ITK: variants seen among roughly 807,000 people sequenced by gnomAD.
ITK encodes the protein tyrosine-protein kinase ITK/TSK.
In ITK, 45 loss-of-function variants were observed where a neutral mutation model predicts 87.6. The ratio of observed to expected loss-of-function variants is 0.51; its 90% CI spans 0.40 to 0.66. ITK has a LOEUF of 0.66. Among genes scored for constraint, ITK ranks in the 30% least tolerant of loss-of-function variants. The probability of loss-of-function intolerance (pLI) is 0.00; values close to 1 mark genes in which losing one functional copy is unlikely to be tolerated. For missense variants in ITK, 605 were observed against 766.3 expected, an observed-to-expected ratio of 0.79 and a Z score of 2.48; for synonymous variants, 303 against 273.6, an observed-to-expected ratio of 1.11 and a Z score of -1.06.
chr5:157,238,640 AG>A (rs55878625), intron 9 of ITK, among the ~76,000 whole-genome samples: 2,490 of 152,302 alleles, frequency 0.016, 29 homozygotes, highest in Non-Finnish European at 0.027. Flanking sequence ...GAAGCCCTGA[AG>A]GCAGGTATTA....
In ITK at chr5:157,234,790, G is replaced by A. The variant is rs1418862354; in HGVS notation, c.768+2396G>A. Among the ~76,000 whole-genome samples the A allele has an allele frequency of 6.6e-5, 10 of 152,116 alleles. No homozygotes were observed. In the East Asian group the frequency reaches 1.9e-3, roughly 29 times the overall value. On this transcript the variant is annotated intron_variant, in intron 8 of 16. Coordinates refer to ENST00000422843, the MANE Select transcript of ITK (RefSeq NM_005546.4). ...CACACACCAGGGTCTGTCAGTGGGT[G>A]GGGGGCTAGGGGAGAGATAGGATTA...
At chr5:157,232,446 C>A (rs1754676670) in intron 8 of ITK, 52 bp downstream of exon 8, 1 of 1,303,526 alleles carries the variant, frequency 7.7e-7, no homozygotes, top group Non-Finnish European at 1.1e-6. Flanking sequence ...ATTAAGTGCA[C>A]TGTCTCATGT....
intron 9 of ITK, among the ~76,000 whole-genome samples, chr5:157,239,375 C>G (rs776706593): frequency 6.6e-5 from 10 of 152,182 alleles, no homozygotes; most frequent in African/African-American, 2.4e-4. Context: ...TGTAACCACA[C>G]GTTAGCAGTC....
At chr5:157,221,900 C>T (rs541565399) in intron 5 of ITK, among the ~76,000 whole-genome samples, 2 of 151,990 alleles carry the variant, frequency 1.3e-5, no homozygotes, top group Non-Finnish European at 2.9e-5. Context: ...CCTGTACTCC[C>T]AGCACTTTGG....
At chr5:157,233,715 C>A (rs1054197964) in intron 8 of ITK, among the ~76,000 whole-genome samples, 3 of 151,942 alleles carry the variant, frequency 2.0e-5, no homozygotes, top group Non-Finnish European at 4.4e-5. Flanking sequence ...GAGTGGAGTG[C>A]AAAATTAGCT....
chr5:157,217,013 C>T (rs1267035088), intron 4 of ITK, among the ~76,000 whole-genome samples: 1 of 152,144 alleles, frequency 6.6e-6, no homozygotes, highest in Non-Finnish European at 1.5e-5. Flanking sequence ...CTCTTCCCAT[C>T]TCTCGTTATT....
Position 157,252,774 on chromosome 5 carries a change from A to AC in ITK, c.*99dup, listed in dbSNP as rs1419050627. The AC allele has an allele frequency of 6.1e-6, 6 of 988,924 alleles. No individual in the cohort carries two copies. Among genetic ancestry groups the AC allele is most frequent in the Non-Finnish European group, 8.1e-6 (5 of 617,308 alleles). 61.3% of individuals were successfully genotyped at this position (988,924 alleles called of 1,614,324 possible). ...CATTAGAAGCTGCCACCAGCCCAGGACCCTCCAGAGGCAGCCTGGCCTGTG... is the reference window on the plus strand; with the variant it reads ...CATTAGAAGCTGCCACCAGCCCAGGACCCCTCCAGAGGCAGCCTGGCCTGTG... On this transcript the variant is annotated 3_prime_UTR_variant, in exon 17 of 17. Transcript: ENST00000422843.
At position 157,253,118 on chromosome 5, in the gene ITK, T is replaced by C. The variant is rs958176463; in HGVS notation, c.*440T>C. On this transcript the variant is annotated 3_prime_UTR_variant, in exon 17 of 17. Transcript: ENST00000422843. ...CCCAACAACACAGTATCCCAGGATA[T>C]GGAGGCAAGGGGAACAAAGAGCATG... 9.6e-6 allele frequency: 3 copies of C among 313,662 alleles called. No homozygotes were observed. The highest frequency in any genetic ancestry group is 6.2e-5 in the African/African-American group (3 of 48,690). The allele number at this position is 313,662 out of a possible 1,614,324, so 19.4% of individuals were successfully genotyped here. A position where few individuals can be genotyped will look rare whatever the true frequency, so the allele number is the denominator to read the frequency against.
At chr5:157,211,557 A>C in intron 3 of ITK, 189 bp downstream of exon 3, 2 of 618,988 alleles carry the variant, frequency 3.2e-6, no homozygotes, top group Non-Finnish European at 5.8e-6. Flanking sequence ...GGATTGACCA[A>C]ATCCAGCCTG....
chr5:157,182,913 A>G (rs999831860), intron 1 of ITK, among the ~76,000 whole-genome samples: 2 of 152,158 alleles, frequency 1.3e-5, no homozygotes, highest in African/African-American at 4.8e-5. Context: ...ATTGGTCATA[A>G]TTTGCATGTA....
chr5:157,185,457 G>C (rs10066955), intron 1 of ITK, among the ~76,000 whole-genome samples: 55,435 of 151,622 alleles, frequency 0.37, 10,378 homozygotes, highest in East Asian at 0.4. Context: ...TGGCCAGCTG[G>C]TCTCGAACTC....
chr5:157,210,545 T>TC lies in ITK; in HGVS notation c.244-742_244-741insC, dbSNP rs1491243239. ...ACAATCTCTTGGTTTTTTTTTTTTT[T>TC]AATTTTTTTTTATTATACTTTAAGT... On this transcript the variant is annotated intron_variant, in intron 2 of 16. Transcript: ENST00000422843. Among the ~76,000 whole-genome samples the TC allele has an allele frequency of 2.1e-5, 3 of 144,046 alleles. No individual in the cohort carries two copies. In the East Asian group the frequency reaches 6.4e-4, roughly 31 times the overall value. The allele number at this position is 144,046 out of a possible 152,430, so 94.5% of individuals were successfully genotyped here.
chr5:157,246,146 G>T, intron 15 of ITK, 147 bp downstream of exon 15: 1 of 730,706 alleles, frequency 1.4e-6, no homozygotes. Flanking sequence ...GAAAGGCCCC[G>T]AAAACTATGA....
At chr5:157,193,820 C>T (rs906016667) in intron 1 of ITK, among the ~76,000 whole-genome samples, 2 of 152,084 alleles carry the variant, frequency 1.3e-5, no homozygotes, top group Middle Eastern at 3.2e-3. Context: ...AGGCTTGCTC[C>T]AGATTGCCCA....
intron 1 of ITK, among the ~76,000 whole-genome samples, chr5:157,204,918 C>G (rs1754050452): frequency 6.6e-6 from 1 of 152,060 alleles, no homozygotes. Context: ...TTTTTTTTAT[C>G]TCAGTTCTGT....
intron 1 of ITK, among the ~76,000 whole-genome samples, chr5:157,206,558 T>C (rs563724074): frequency 6.6e-6 from 1 of 152,272 alleles, no homozygotes; most frequent in South Asian, 2.1e-4. Flanking sequence ...CTGATTCAAT[T>C]TGGGAGTTTG....
At position 157,252,724 on chromosome 5, in the gene ITK, AAG is replaced by A; in HGVS notation, c.*47_*48del. The A allele has an allele frequency of 1.5e-6, 2 of 1,376,786 alleles. No individual in the cohort carries two copies. Among genetic ancestry groups the A allele is most frequent in the Non-Finnish European group, 2.1e-6 (2 of 963,538 alleles). 85.3% of individuals were successfully genotyped at this position (1,376,786 alleles called of 1,614,324 possible). ...ACGGGCTGCAGATCCTGAATGGAGG[AAG>A]GATATGTCCTCATTCCATAGAGCAT... On this transcript the variant is annotated 3_prime_UTR_variant, in exon 17 of 17. Transcript: ENST00000422843.
At chr5:157,188,902 G>C (rs541185912) in intron 1 of ITK, among the ~76,000 whole-genome samples, 58 of 152,296 alleles carry the variant, frequency 3.8e-4, no homozygotes, top group African/African-American at 1.3e-3. Context: ...TGGAAGGGCA[G>C]TTCCATGAGA....
Position 157,254,908 on chromosome 5 carries a change from T to TG in ITK, c.*2230_*2231insG, listed in dbSNP as rs1359647932. 9.3e-6 allele frequency: 2 copies of TG among 215,090 alleles called. No homozygotes were observed. The highest frequency in any genetic ancestry group is 2.3e-5 in the African/African-American group (1 of 44,272). 13.3% of individuals were successfully genotyped at this position (215,090 alleles called of 1,614,324 possible). ...CCGCAAAATGGGCTTCCTGCCTGGT[T>TG]TTTCTCTTCTCACATTTTTTAAATG... is the stretch of plus-strand genomic sequence containing the variant. On this transcript the variant is annotated 3_prime_UTR_variant, in exon 17 of 17. Coordinates refer to ENST00000422843, the MANE Select transcript of ITK (RefSeq NM_005546.4).
Sources: gnomAD v4.1 joint callset for allele counts (sites outside exome capture counted in the v4.1 genomes callset) on GRCh38, gnomAD v4.1.1 for gene constraint, MANE v1.5 for transcripts, NCBI Gene and HGNC (gene_info 2026-07-23, HGNC 2026-07-21) for gene names.